The following CLUH variants were observed in gnomAD, a reference collection of about 807,000 sequenced individuals.
CLUH encodes CLUH binding protein of NUMT mRNA.
In CLUH, 77 loss-of-function variants were observed where a neutral mutation model predicts 139.3. That is an observed-to-expected ratio of 0.55 (90% CI 0.46 to 0.67). The LOEUF is 0.67. CLUH is among the 30% of genes least tolerant of loss of function. The probability of loss-of-function intolerance (pLI) is 0.00; values close to 1 mark genes in which losing one functional copy is unlikely to be tolerated. For missense variants in CLUH, 1,876 were observed against 1,875.8 expected (o/e 1.00, Z 0.00); for synonymous variants, 999 against 801.6 (o/e 1.25, Z -4.16).
At chr17:2,700,350 T>C (rs2070130149) in intron 9 of CLUH, 32 bp downstream of exon 9, 1 of 1,592,198 alleles carries the variant, frequency 6.3e-7, no homozygotes, top group Admixed American at 1.7e-5. Context: ...ACAGCGGGCC[T>C]CAGACTGCCG....
In CLUH at chr17:2,692,121, C is replaced by T. The variant is rs766472947; in HGVS notation, c.3561-24G>A. ...GGCTGCCGGGAGGCGCGGCGCGGGG[C>T]GAGGGAAGGGCATAAGTGGGCTGGG... is the stretch of plus-strand genomic sequence containing the variant. On this transcript the variant is annotated intron_variant, in intron 22 of 25. Coordinates refer to ENST00000651024, the MANE Select transcript of CLUH (RefSeq NM_001366661.1). 35 of 1,578,420 alleles carry T rather than the reference C, an allele frequency of 2.2e-5. No homozygotes were observed. In the African/African-American group the frequency reaches 2.6e-4, roughly 12 times the overall value.
At chr17:2,696,997 T>G (rs2069974253) in intron 10 of CLUH, 55 bp from the exon 11 acceptor site, 41 of 1,379,424 alleles carry the variant, frequency 3.0e-5, no homozygotes, top group Non-Finnish European at 3.8e-5. Flanking sequence ...AGAGGAGCTC[T>G]GCTGGCCCAC....
intron 13 of CLUH, 33 bp from the exon 14 acceptor site, chr17:2,695,559 G>C: frequency 6.4e-7 from 1 of 1,552,688 alleles, no homozygotes. Context: ...CCCCCACCCA[G>C]CTCCTCTGCC....
Position 2,696,483 on chromosome 17 carries a change from G to T in CLUH, c.2241C>A (p.Ile747=). ...AGCGAATGTCGAAGGCGGTGCTGCT[G>T]ATGGAGCCGACCGCCTTGCACGCGT... The part of the protein sequence containing the change: ...IRNACKAVGS[I]SSTAFDIRFN... The change falls in exon 12 of 26, where the codon ATC becomes ATA. Residue 747 remains isoleucine (I), a synonymous_variant. Coordinates refer to ENST00000651024, the MANE Select transcript of CLUH (RefSeq NM_001366661.1). 6.3e-7 allele frequency: 1 copy of T among 1,594,224 alleles called. No homozygotes were observed.
Position 2,694,980 on chromosome 17 carries a change from T to G in CLUH, c.2729A>C (p.Lys910Thr), listed in dbSNP as rs777376163. 1 of 1,613,500 alleles carries G rather than the reference T, an allele frequency of 6.2e-7. No individual in the cohort carries two copies. The highest frequency in any genetic ancestry group is 8.5e-7 in the Non-Finnish European group (1 of 1,179,750). The change falls in exon 16 of 26, where the codon AAG becomes ACG. Residue 910 changes from lysine (K) to threonine (T), a missense_variant. By Grantham distance (78) the Lys-to-Thr change is moderately conservative. Transcript: ENST00000651024. Reference protein sequence around the residue: ...ADELVSKKRNKRRKNRPPGAA... With the variant: ...ADELVSKKRNTRRKNRPPGAA... The stretch of plus-strand genomic sequence containing the variant: ...CCCCGGGGGCCGGTTTTTCCTCCTC[T>G]TATTCCGCTTCTTGGAGACCAGCTC...
chr17:2,697,922 C>T lies in CLUH; in HGVS notation c.1935G>A (p.Glu645=), dbSNP rs913947794. Residue 645 remains glutamate, a synonymous_variant, in exon 10 of 26, where the codon GAG becomes GAA. Coordinates refer to ENST00000651024, the MANE Select transcript of CLUH (RefSeq NM_001366661.1). ...HRHKLCCLRQ[E]LVDAFVEHRY... ...TGTGCTCCACGAAGGCGTCCACCAG[C>T]TCCTGGCGCAGGCAGCAGAGCTTGT... 3.3e-6 allele frequency: 5 copies of T among 1,529,216 alleles called. No homozygotes were observed. The African/African-American group carries it at 5.5e-5, about 17-fold the overall frequency. 94.7% of individuals were successfully genotyped at this position (1,529,216 alleles called of 1,614,324 possible).
intron 1 of CLUH, among the ~76,000 whole-genome samples, chr17:2,709,084 C>T (rs1159461306): frequency 6.6e-6 from 1 of 152,196 alleles, no homozygotes; most frequent in African/African-American, 2.4e-5. Context: ...ACCCTTGCCC[C>T]GGCCTGGAGG....
intron 6 of CLUH, 38 bp downstream of exon 6, chr17:2,701,328 G>A (rs749134908): frequency 5.0e-6 from 8 of 1,606,760 alleles, no homozygotes; most frequent in South Asian, 1.1e-5. Flanking sequence ...AGGACGGCTG[G>A]CACGGCAGGG....
chr17:2,694,428 C>CCT, intron 17 of CLUH, 52 bp downstream of exon 17: 2 of 697,382 alleles, frequency 2.9e-6, no homozygotes, highest in Non-Finnish European at 4.4e-6. Context: ...GCAGCAGGGA[C>CCT]GCAGCGGGGA....
Position 2,703,374 on chromosome 17 carries a change from G to C in CLUH, c.419C>G (p.Ser140Trp). ...HLDGNVLDHFSELRSVEGLQE... is the reference protein window; with the variant it reads ...HLDGNVLDHFWELRSVEGLQE... ...CAGCCCCTCGACGCTGCGCAGCTCC[G>C]AGAAGTGGTCCAGCACGTTGCCATC... Residue 140 changes from serine to tryptophan, a missense_variant, in exon 3 of 26, where the codon TCG becomes TGG. Transcript: ENST00000651024. The surrounding 1 kb of genome is among the most constrained non-coding windows in gnomAD (Gnocchi z 4.2). 6.2e-7 allele frequency: 1 copy of C among 1,613,358 alleles called. No individual in the cohort carries two copies. The highest frequency in any genetic ancestry group is 8.5e-7 in the Non-Finnish European group (1 of 1,179,766).
chr17:2,707,178 G>A lies in CLUH; in HGVS notation c.101-2614C>T, dbSNP rs2151724376. On this transcript the variant is annotated intron_variant, in intron 1 of 25. Transcript: ENST00000651024. The surrounding 1 kb of genome is among the most constrained non-coding windows in gnomAD (Gnocchi z 7.4). ...CACCAGGTCCCGGTGCTCACCTGGT[G>A]CAGTTGGCAGCTGCCCTCCCCTCGG... 1 of 985,410 alleles carries A rather than the reference G, an allele frequency of 1.0e-6. No homozygotes were observed. The highest frequency in any genetic ancestry group is 1.2e-6 in the Non-Finnish European group (1 of 829,896). 61.0% of individuals were successfully genotyped at this position (985,410 alleles called of 1,614,324 possible). A position where few individuals can be genotyped will look rare whatever the true frequency, so the allele number is the denominator to read the frequency against.
intron 3 of CLUH, 104 bp from the exon 4 acceptor site, chr17:2,702,161 T>C (rs1017528716): frequency 3.6e-6 from 5 of 1,393,824 alleles, no homozygotes; most frequent in Admixed American, 2.6e-5. Flanking sequence ...GTGGTTTTAA[T>C]TTTCAACTTT....
chr17:2,695,074 C>A lies in CLUH; in HGVS notation c.2635G>T (p.Ala879Ser), dbSNP rs776754848. Reference sequence around the variant, plus strand: ...AAGCAGTTCAGGAAGTGGCTGATGGCGGCTGAGAGGCCGGAGAGCTCGACT... The same window carrying A: ...AAGCAGTTCAGGAAGTGGCTGATGGAGGCTGAGAGGCCGGAGAGCTCGACT... Reference protein sequence around the residue: ...QGVELSGLSAAISHFLNCFLS... With the variant: ...QGVELSGLSASISHFLNCFLS... Residue 879 changes from alanine (A) to serine (S), a missense_variant, in exon 16 of 26, where the codon GCC (alanine) becomes TCC (serine). Transcript: ENST00000651024. 1.3e-5 allele frequency: 21 copies of A among 1,612,076 alleles called. No homozygotes were observed. The highest frequency in any genetic ancestry group is 6.7e-5 in the Admixed American group (4 of 59,650).
Position 2,703,471 on chromosome 17 carries a change from C to T in CLUH, c.322G>A (p.Val108Met). 6.2e-7 allele frequency: 1 copy of T among 1,613,564 alleles called. No individual in the cohort carries two copies. The highest frequency in any genetic ancestry group is 8.5e-7 in the Non-Finnish European group (1 of 1,179,856). The stretch of plus-strand genomic sequence containing the variant: ...ATGAGCACCTGGTGAATCTCCTGCA[C>T]CATCTCCTGGGGGGACACCTGCAGG... ...FSLQVSPQEMVQEIHQVLMDR... is the reference protein window; with the variant it reads ...FSLQVSPQEMMQEIHQVLMDR... Residue 108 changes from valine to methionine, a missense_variant, in exon 3 of 26, where the codon GTG (valine) becomes ATG (methionine). Physicochemically the swap from Val to Met is conservative, Grantham distance 21. This residue lies in a region of CLUH where 152 missense variants were observed against 136.7 expected (regional missense o/e 1.11). Transcript: ENST00000651024. This position sits in a 1 kb window ranked among gnomAD's most constrained non-coding sequence, Gnocchi z 4.2.
chr17:2,691,976 C>CCGCCA (rs2069688637), intron 23 of CLUH, 28 bp downstream of exon 23: 21 of 548,006 alleles, frequency 3.8e-5, no homozygotes, highest in Non-Finnish European at 4.6e-5. Flanking sequence ...CGCCCCGCCC[C>CCGCCA]CGCCCCCGCC....
chr17:2,700,586 C>T, intron 8 of CLUH, 92 bp downstream of exon 8: 2 of 1,534,666 alleles, frequency 1.3e-6, no homozygotes, highest in Non-Finnish European at 1.8e-6. Flanking sequence ...CAAATGAAGT[C>T]AAGCATGGGG....
At position 2,698,027 on chromosome 17, in the gene CLUH, C is replaced by G. The variant is rs756482834; in HGVS notation, c.1830G>C (p.Pro610=). 6.2e-7 allele frequency: 1 copy of G among 1,604,794 alleles called. No homozygotes were observed. Among genetic ancestry groups the G allele is most frequent in the East Asian group, 2.2e-5 (1 of 44,754 alleles). ...CAGGCACGGGCAGGAAGTTGAGGTC[C>G]GGGGGGAAGGTGCGCAGCAGGTCGA... ...YILDLLRTFP[P]DLNFLPVPGE... The change falls in exon 10 of 26, where the codon CCG becomes CCC. Residue 610 remains proline, a synonymous_variant. Transcript: ENST00000651024.
rs2070059852 is a variant in CLUH, at chr17:2,698,585, G to A, written c.1272C>T (p.His424=). ...LLRERAIFKV[H]SDFTAAATRG... ...TGGTGGCTGCCGCGGTGAAGTCGCT[G>A]TGCACCTGGCGGGGGTCGAGGAGGG... Residue 424 remains histidine, a synonymous_variant, in exon 10 of 26, where the codon CAC becomes CAT. Transcript: ENST00000651024. 6.3e-7 allele frequency: 1 copy of A among 1,599,884 alleles called. No homozygotes were observed. Among genetic ancestry groups the A allele is most frequent in the Non-Finnish European group, 8.5e-7 (1 of 1,172,672 alleles).
intron 9 of CLUH, 72 bp from the exon 10 acceptor site, chr17:2,698,662 C>T (rs368074086): frequency 3.9e-5 from 54 of 1,379,554 alleles, no homozygotes; most frequent in Non-Finnish European, 5.1e-5. Flanking sequence ...GCCAAGCGCA[C>T]GCACCTAGAC....
Sources: gnomAD v4.1 joint callset for allele counts (sites outside exome capture counted in the v4.1 genomes callset) on GRCh38, gnomAD v4.1.1 for gene constraint, gnomAD v4.1.1 regional missense constraint, Gnocchi (gnomAD v3.1) non-coding constraint, MANE v1.5 for transcripts, NCBI Gene and HGNC (gene_info 2026-07-23, HGNC 2026-07-21) for gene names.